The following SPIRE2 variants were observed in gnomAD, a reference collection of about 807,000 sequenced individuals.
The protein encoded by SPIRE2 is spire type actin nucleation factor 2, also known as protein spire homolog 2.
SPIRE2 carries 76 observed loss-of-function variants against 80.7 expected under a neutral mutation model. That is an observed-to-expected ratio of 0.94 (90% CI 0.78 to 1.14). The LOEUF (loss-of-function observed/expected upper bound fraction) is 1.14, where lower values mean the gene tolerates loss of function less well. Ranked by LOEUF, SPIRE2 falls within the 50% of genes most tolerant of loss-of-function variation. SPIRE2 has a pLI of 0.00. For missense variants in SPIRE2, 1,196 were observed against 1,015.3 expected (o/e 1.18, Z -2.42); for synonymous variants, 535 against 432.6 (o/e 1.24, Z -2.94).
rs564140726 is a variant in SPIRE2, at chr16:89,831,556, C to A, written c.244+2762C>A. On this transcript the variant is annotated intron_variant, in intron 1 of 14. Coordinates refer to ENST00000378247, the MANE Select transcript of SPIRE2 (RefSeq NM_032451.2). The stretch of plus-strand genomic sequence containing the variant: ...GGGACTACATGCGCCCGCCACCACG[C>A]CCGGCTAATTTTTTGTATTTTTAGT... Among the ~76,000 whole-genome samples, 713 of 150,446 alleles carry A rather than the reference C, an allele frequency of 4.7e-3. 21 individuals are homozygous for A. Among genetic ancestry groups the A allele is most frequent in the African/African-American group, 0.017 (687 of 41,272 alleles).
intron 1 of SPIRE2, among the ~76,000 whole-genome samples, chr16:89,833,992 C>T (rs755483969): frequency 6.6e-6 from 1 of 152,112 alleles, no homozygotes; most frequent in Non-Finnish European, 1.5e-5. Flanking sequence ...ATGGCATTCC[C>T]GATATAGTCT....
intron 9 of SPIRE2, among the ~76,000 whole-genome samples, 191 bp from the exon 10 acceptor site, chr16:89,860,490 GGC>G (rs1419658136): frequency 2.0e-5 from 3 of 151,974 alleles, no homozygotes; most frequent in African/African-American, 4.8e-5. Flanking sequence ...CAAGCTCCTA[GGC>G]TCAAGGTTCC....
intron 1 of SPIRE2, among the ~76,000 whole-genome samples, chr16:89,834,155 C>CAT (rs2041416746): frequency 1.4e-5 from 2 of 147,644 alleles, no homozygotes; most frequent in East Asian, 2.0e-4. Flanking sequence ...CCTGCCTGCG[C>CAT]TCGCGGTTGG....
chr16:89,861,388 G>T (rs1052408117), intron 10 of SPIRE2, among the ~76,000 whole-genome samples: 11 of 152,214 alleles, frequency 7.2e-5, no homozygotes, highest in Non-Finnish European at 2.9e-5. Flanking sequence ...TTATCCAGCG[G>T]CTCAGATGAG....
chr16:89,841,129 A>C (rs1429708955), intron 1 of SPIRE2, among the ~76,000 whole-genome samples: 1 of 151,378 alleles, frequency 6.6e-6, no homozygotes, highest in Non-Finnish European at 1.5e-5. Context: ...GGCTGCAGTG[A>C]GCCATGATTA....
chr16:89,853,255 G>A (rs547942777), intron 3 of SPIRE2, among the ~76,000 whole-genome samples: 20 of 152,228 alleles, frequency 1.3e-4, no homozygotes, highest in South Asian at 4.1e-4. Context: ...CTCCCACTTC[G>A]GCCTCCCAGA....
rs1240738110 is a variant in SPIRE2 at position 89,863,465 on chromosome 16, C to A, written c.1576-11C>A. 6.2e-7 allele frequency: 1 copy of A among 1,613,780 alleles called. No homozygotes were observed. Among genetic ancestry groups the A allele is most frequent in the Non-Finnish European group, 8.5e-7 (1 of 1,179,956 alleles). On this transcript the variant is annotated splice_polypyrimidine_tract_variant and intron_variant, in intron 10 of 14. Coordinates refer to ENST00000378247, the MANE Select transcript of SPIRE2 (RefSeq NM_032451.2). The surrounding 1 kb of genome is among the most constrained non-coding windows in gnomAD (Gnocchi z 4.3). The stretch of plus-strand genomic sequence containing the variant: ...TGCATAGAAGACTTCCTACCTGAGG[C>A]CGTCCCCTAGGAGTTCAGCCACCCC...
chr16:89,850,050 CTGGTCT>C, intron 2 of SPIRE2: 1 of 610,990 alleles, frequency 1.6e-6, no homozygotes, highest in South Asian at 1.7e-5. Flanking sequence ...GTTGGTCAGG[CTGGTCT>C]TGAACTCCTG....
intron 1 of SPIRE2, among the ~76,000 whole-genome samples, chr16:89,835,028 C>T (rs1170336281): frequency 4.7e-5 from 7 of 149,980 alleles, no homozygotes; most frequent in African/African-American, 1.7e-4. Context: ...GGTTGGCCGT[C>T]GTAGAAGCGT....
chr16:89,832,163 GC>G (rs1392751590), intron 1 of SPIRE2, among the ~76,000 whole-genome samples: 2 of 152,358 alleles, frequency 1.3e-5, no homozygotes, highest in Non-Finnish European at 2.9e-5. Flanking sequence ...CATGGTTACG[GC>G]CCATGTGAAG....
At position 89,857,000 on chromosome 16, in the gene SPIRE2, A is replaced by G. The variant is rs1003940761; in HGVS notation, c.1102+764A>G. Among the ~76,000 whole-genome samples, 5 of 147,212 alleles carry G rather than the reference A, an allele frequency of 3.4e-5. No homozygotes were observed. In the Middle Eastern group the frequency reaches 0.014, roughly 401 times the overall value. The stretch of plus-strand genomic sequence containing the variant: ...AGGATTGCTTGAACCTGAGAAGTTG[A>G]TGCCGAAGTGACCCATGATTGCACC... On this transcript the variant is annotated intron_variant, in intron 7 of 14. Coordinates refer to ENST00000378247, the MANE Select transcript of SPIRE2 (RefSeq NM_032451.2).
intron 13 of SPIRE2, among the ~76,000 whole-genome samples, chr16:89,869,053 AATATAT>A (rs1555601129): frequency 4.6e-4 from 11 of 24,026 alleles, no homozygotes; most frequent in African/African-American, 1.6e-3. Context: ...AAAAAAAAAA[AATATAT>A]ATATATATAT....
intron 13 of SPIRE2, 119 bp downstream of exon 13, chr16:89,868,335 C>A: frequency 1.9e-6 from 2 of 1,059,338 alleles, no homozygotes; most frequent in Non-Finnish European, 2.9e-6. Context: ...TCCTTTCAGG[C>A]AGAATCCATT....
intron 13 of SPIRE2, 43 bp from the exon 14 acceptor site, chr16:89,869,524 C>CTCTGG (rs768538368): frequency 1.5e-6 from 2 of 1,376,798 alleles, no homozygotes; most frequent in South Asian, 2.3e-5. Flanking sequence ...ACCTGAATGT[C>CTCTGG]TCTGGTGGTG....
Position 89,870,418 on chromosome 16 carries a change from C to A in SPIRE2, c.*146C>A. The A allele has an allele frequency of 1.7e-6, 1 of 593,314 alleles. No individual in the cohort carries two copies. 36.8% of individuals were successfully genotyped at this position (593,314 alleles called of 1,614,324 possible). On this transcript the variant is annotated 3_prime_UTR_variant, in exon 15 of 15. Transcript: ENST00000378247. ...TCTATATATTTATATACACTGTTTC[C>A]TGGCCCCAGAGCTCATTTGGGTTCA... is the stretch of plus-strand genomic sequence containing the variant.
chr16:89,854,238 C>A, intron 3 of SPIRE2, 48 bp from the exon 4 acceptor site: 4 of 1,565,700 alleles, frequency 2.6e-6, no homozygotes, highest in Non-Finnish European at 3.5e-6. Context: ...CGTCTTGCAT[C>A]TGCCATTCTC....
rs979917935 is a variant in SPIRE2 at position 89,870,460 on chromosome 16, C to G, written c.*188C>G. 2 of 536,308 alleles carry G rather than the reference C, an allele frequency of 3.7e-6. No individual in the cohort carries two copies. The highest frequency in any genetic ancestry group is 6.6e-6 in the Non-Finnish European group (2 of 301,480). 33.2% of individuals were successfully genotyped at this position (536,308 alleles called of 1,614,324 possible). Reference sequence around the variant, plus strand: ...TTGGGTTCAGGCGCACTTCAAAACCCTCCCTGGGGGAGGCTGTTTCTTCTC... The same window carrying G: ...TTGGGTTCAGGCGCACTTCAAAACCGTCCCTGGGGGAGGCTGTTTCTTCTC... On this transcript the variant is annotated 3_prime_UTR_variant, in exon 15 of 15. Transcript: ENST00000378247.
intron 1 of SPIRE2, among the ~76,000 whole-genome samples, chr16:89,833,147 G>A (rs1029217029): frequency 2.0e-5 from 3 of 151,772 alleles, no homozygotes; most frequent in Non-Finnish European, 2.9e-5. Context: ...ATGTGCCACC[G>A]CACATGCCTT....
chr16:89,871,085 C>G lies in SPIRE2; in HGVS notation c.*813C>G, dbSNP rs532572080. The G allele has an allele frequency of 6.7e-6, 1 of 148,310 alleles. No individual in the cohort carries two copies. Among genetic ancestry groups the G allele is most frequent in the Admixed American group, 6.7e-5 (1 of 14,902 alleles). 9.2% of individuals were successfully genotyped at this position (148,310 alleles called of 1,614,324 possible). ...TGGGCGACAGAGCGAGACTCTGTCTCGAAAAAAAAAAAGGTCCGTGCCAAG... is the reference window on the plus strand; with the variant it reads ...TGGGCGACAGAGCGAGACTCTGTCTGGAAAAAAAAAAAGGTCCGTGCCAAG... On this transcript the variant is annotated 3_prime_UTR_variant, in exon 15 of 15. Coordinates refer to ENST00000378247, the MANE Select transcript of SPIRE2 (RefSeq NM_032451.2).
Sources: allele counts gnomAD v4.1 joint callset (sites outside exome capture counted in the v4.1 genomes callset), GRCh38; gene constraint gnomAD v4.1.1; non-coding constraint Gnocchi (gnomAD v3.1); transcripts MANE v1.5; gene names NCBI Gene and HGNC (gene_info 2026-07-23, HGNC 2026-07-21).